CNTN5: variants seen among roughly 807,000 people sequenced by gnomAD.
CNTN5 encodes the protein contactin-5.
CNTN5 carries 77 observed loss-of-function variants against 129.1 expected under a neutral mutation model. The ratio of observed to expected loss-of-function variants is 0.60; its 90% confidence interval spans 0.50 to 0.72. CNTN5 has a LOEUF of 0.72. Among genes scored for constraint, CNTN5 ranks in the 30% least tolerant of loss-of-function variants. The pLI, the probability that CNTN5 is intolerant of heterozygous loss-of-function variation, is 0.00. For missense variants in CNTN5, 1,478 were observed against 1,328.8 expected (o/e 1.11, Z -1.75); for synonymous variants, 509 against 465.6 (o/e 1.09, Z -1.20).
At chr11:99,229,084 T>C (rs185747914) in intron 1 of CNTN5, among the ~76,000 whole-genome samples, 2 of 152,216 alleles carry the variant, frequency 1.3e-5, no homozygotes, top group Non-Finnish European at 2.9e-5. Context: ...ATACTATACA[T>C]GTTAATTTGT....
In CNTN5 at chr11:99,703,023, G is replaced by A. The variant is rs371500389; in HGVS notation, c.56-116521G>A. ...ATAAACGTCGCATGAAGATGTATAGGATGTTTTAATAGGACACAGGAAGAA... is the reference window on the plus strand; with the variant it reads ...ATAAACGTCGCATGAAGATGTATAGAATGTTTTAATAGGACACAGGAAGAA... On this transcript the variant is annotated intron_variant, in intron 3 of 24. Coordinates refer to ENST00000524871, the MANE Select transcript of CNTN5 (RefSeq NM_014361.4). 4.6e-5 allele frequency among the ~76,000 whole-genome samples: 7 copies of A among 150,914 alleles called. No homozygotes were observed. In the East Asian group the frequency reaches 5.8e-4, roughly 13 times the overall value.
Position 99,869,207 on chromosome 11 carries a change from A to C in CNTN5, c.577+23945A>C, listed in dbSNP as rs17134548. ...CTTTGAATGTTTATAAAGTGTTCTC[A>C]CATACATTTTCATACCTGGGCCTGT... On this transcript the variant is annotated intron_variant, in intron 6 of 24. Coordinates refer to ENST00000524871, the MANE Select transcript of CNTN5 (RefSeq NM_014361.4). 6.4e-3 allele frequency among the ~76,000 whole-genome samples: 972 copies of C among 152,282 alleles called. 13 individuals carry two copies. The highest frequency in any genetic ancestry group is 0.032 in the East Asian group (168 of 5,180).
chr11:99,325,660 T>C (rs1865754287), intron 2 of CNTN5, among the ~76,000 whole-genome samples, 176 bp downstream of exon 2: 1 of 152,220 alleles, frequency 6.6e-6, no homozygotes, highest in Admixed American at 6.5e-5. Context: ...ACCTTGATTG[T>C]GTCAGTAACA....
chr11:99,868,982 G>T (rs1331018625), intron 6 of CNTN5, among the ~76,000 whole-genome samples: 3 of 152,152 alleles, frequency 2.0e-5, no homozygotes, highest in South Asian at 2.1e-4. Context: ...CACCAATTAA[G>T]TTGGAACGTT....
intron 1 of CNTN5, among the ~76,000 whole-genome samples, chr11:99,064,594 T>C (rs1865026075): frequency 6.6e-6 from 1 of 152,102 alleles, no homozygotes; most frequent in African/African-American, 2.4e-5. Flanking sequence ...CATCCCTTTA[T>C]TTACCATCTG....
intron 8 of CNTN5, among the ~76,000 whole-genome samples, chr11:99,999,180 T>C (rs1228466061): frequency 1.3e-5 from 2 of 151,950 alleles, no homozygotes; most frequent in African/African-American, 4.8e-5. Context: ...CTAAAGAGCT[T>C]CTGCACAGCA....
At chr11:99,747,542 T>C (rs975988439) in intron 3 of CNTN5, among the ~76,000 whole-genome samples, 5 of 141,458 alleles carry the variant, frequency 3.5e-5, no homozygotes, top group African/African-American at 1.3e-4. Context: ...CCCTGCTCAC[T>C]GCAAGCTCTG....
intron 3 of CNTN5, among the ~76,000 whole-genome samples, chr11:99,636,308 T>C (rs945135191): frequency 3.9e-5 from 6 of 152,148 alleles, no homozygotes; most frequent in African/African-American, 1.4e-4. Context: ...TTCCCTAATA[T>C]ATGCCAAGAT....
chr11:99,655,934 A>G (rs1298235126), intron 3 of CNTN5, among the ~76,000 whole-genome samples: 1 of 152,064 alleles, frequency 6.6e-6, no homozygotes. Flanking sequence ...ATACAAATAT[A>G]TACACACACG....
intron 8 of CNTN5, 93 bp downstream of exon 8, chr11:99,957,102 T>TA: frequency 1.8e-6 from 2 of 1,099,680 alleles, no homozygotes; most frequent in Non-Finnish European, 2.6e-6. Context: ...ACCTGGAACT[T>TA]ACAAATAAAA....
chr11:99,255,803 C>A (rs758563023), intron 1 of CNTN5, among the ~76,000 whole-genome samples: 2 of 148,004 alleles, frequency 1.4e-5, no homozygotes, highest in Non-Finnish European at 3.0e-5. Context: ...CACACACGCA[C>A]ACACACACAC....
At chr11:99,769,347 T>G (rs185499502) in intron 3 of CNTN5, among the ~76,000 whole-genome samples, 2 of 152,262 alleles carry the variant, frequency 1.3e-5, no homozygotes, top group Admixed American at 1.3e-4. Flanking sequence ...TGAGATATGC[T>G]CATTGCTAGT....
intron 6 of CNTN5, among the ~76,000 whole-genome samples, chr11:99,894,989 G>T (rs1164008523): frequency 6.6e-6 from 1 of 152,292 alleles, no homozygotes. Flanking sequence ...ACAATAATTT[G>T]TAGTTAGCAC....
chr11:99,865,886 A>G (rs1565619454), intron 6 of CNTN5, among the ~76,000 whole-genome samples: 1 of 152,266 alleles, frequency 6.6e-6, no homozygotes, highest in South Asian at 2.1e-4. Context: ...TTAAGACACT[A>G]GCCATATGGA....
At chr11:99,911,337 A>G (rs920989784) in intron 6 of CNTN5, among the ~76,000 whole-genome samples, 3 of 151,960 alleles carry the variant, frequency 2.0e-5, no homozygotes, top group Non-Finnish European at 4.4e-5. Flanking sequence ...ATACCTCAGT[A>G]TTGGCACTCC....
At chr11:99,782,052 C>T (rs1227546790) in intron 3 of CNTN5, among the ~76,000 whole-genome samples, 22 of 150,122 alleles carry the variant, frequency 1.5e-4, no homozygotes, top group East Asian at 1.4e-3. Flanking sequence ...TGTTTGCAGA[C>T]GACATGATTG....
chr11:99,165,542 T>G (rs1409250598), intron 1 of CNTN5, among the ~76,000 whole-genome samples: 1 of 152,142 alleles, frequency 6.6e-6, no homozygotes, highest in Non-Finnish European at 1.5e-5. Context: ...GAACATTTAT[T>G]TTTGTGCTAA....
intron 6 of CNTN5, among the ~76,000 whole-genome samples, chr11:99,902,689 A>C (rs1949391065): frequency 6.6e-6 from 1 of 152,182 alleles, no homozygotes; most frequent in Admixed American, 6.5e-5. Context: ...AAAATTCCAC[A>C]CAAAAGTAAC....
At chr11:100,080,075 C>T (rs1305242187) in intron 13 of CNTN5, among the ~76,000 whole-genome samples, 3 of 151,988 alleles carry the variant, frequency 2.0e-5, no homozygotes, top group African/African-American at 7.2e-5. Context: ...GTTTCCTTTC[C>T]ATAAGTGCAT....
Sources: gnomAD v4.1 joint callset for allele counts (sites outside exome capture counted in the v4.1 genomes callset) on GRCh38, gnomAD v4.1.1 for gene constraint, MANE v1.5 for transcripts, NCBI Gene and HGNC (gene_info 2026-07-23, HGNC 2026-07-21) for gene names.